SV2B: variants seen among roughly 807,000 people sequenced by gnomAD.
SV2B encodes synaptic vesicle glycoprotein 2B, also known as solute carrier family 22 member B2.
In SV2B, 41 loss-of-function variants were observed where a neutral mutation model predicts 73.9. The observed-to-expected ratio is 0.56, with a 90% CI of 0.43 to 0.72. SV2B has a LOEUF of 0.72. SV2B is among the 30% of genes least tolerant of loss of function. SV2B has a pLI of 0.00. For synonymous variants in SV2B, 314 were observed against 314.2 expected, an observed-to-expected ratio of 1.00 and a Z score of 0.01; for missense variants, 764 against 857.8, an observed-to-expected ratio of 0.89 and a Z score of 1.37.
intron 1 of SV2B, among the ~76,000 whole-genome samples, chr15:91,142,260 A>G (rs967414345): frequency 5.3e-5 from 8 of 152,124 alleles, no homozygotes; most frequent in Non-Finnish European, 8.8e-5. Context: ...TTCACTTCAA[A>G]TGAGGAACAA....
intron 1 of SV2B, among the ~76,000 whole-genome samples, chr15:91,135,789 T>A (rs1596461368): frequency 6.6e-6 from 1 of 152,206 alleles, no homozygotes; most frequent in South Asian, 2.1e-4. Context: ...TGCCTAGTGT[T>A]AGAGACAAAA....
chr15:91,188,443 A>G (rs1042791359), intron 1 of SV2B, among the ~76,000 whole-genome samples: 1 of 152,064 alleles, frequency 6.6e-6, no homozygotes, highest in African/African-American at 2.4e-5. Flanking sequence ...CTTCCCAAGT[A>G]GCTGGGACTA....
At chr15:91,176,931 A>T (rs1383813924) in intron 1 of SV2B, among the ~76,000 whole-genome samples, 3 of 152,094 alleles carry the variant, frequency 2.0e-5, no homozygotes, top group African/African-American at 7.2e-5. Context: ...TTTTGTTGCC[A>T]TTGCTTTTGG....
At chr15:91,179,081 T>A (rs199864266) in intron 1 of SV2B, among the ~76,000 whole-genome samples, 47,382 of 151,082 alleles carry the variant, frequency 0.31, 8,120 homozygotes, top group East Asian at 0.7. Flanking sequence ...CCAGAGATTC[T>A]GGTATGTTGT....
chr15:91,127,483 C>T (rs1032585310), intron 1 of SV2B, among the ~76,000 whole-genome samples: 6 of 152,072 alleles, frequency 3.9e-5, no homozygotes, highest in African/African-American at 1.2e-4. Flanking sequence ...ACTGTCCGGC[C>T]GCTCTTCTAT....
intron 1 of SV2B, among the ~76,000 whole-genome samples, chr15:91,136,000 C>T (rs549477194): frequency 6.6e-6 from 1 of 152,218 alleles, no homozygotes; most frequent in African/African-American, 2.4e-5. Flanking sequence ...CTGCCTCTTC[C>T]CCAACACACA....
intron 1 of SV2B, among the ~76,000 whole-genome samples, chr15:91,120,100 C>T (rs544787027): frequency 6.6e-6 from 1 of 152,334 alleles, no homozygotes; most frequent in African/African-American, 2.4e-5. Flanking sequence ...CAGAGCAAGG[C>T]TTTTTGTATT....
At chr15:91,126,309 G>A (rs1019383142) in intron 1 of SV2B, among the ~76,000 whole-genome samples, 3 of 152,198 alleles carry the variant, frequency 2.0e-5, no homozygotes, top group South Asian at 4.1e-4. Context: ...ATCCAAATAT[G>A]GGTTGACTTC....
At chr15:91,263,651 CACAG>C (rs1383890853) in intron 6 of SV2B, among the ~76,000 whole-genome samples, 1 of 151,744 alleles carries the variant, frequency 6.6e-6, no homozygotes, top group Non-Finnish European at 1.5e-5. Flanking sequence ...AAGACAAACA[CACAG>C]ACACAGGCAC....
intron 1 of SV2B, among the ~76,000 whole-genome samples, chr15:91,184,214 C>T (rs1277399965): frequency 6.6e-6 from 1 of 152,170 alleles, no homozygotes; most frequent in Non-Finnish European, 1.5e-5. Flanking sequence ...TAAAAGCAAC[C>T]TTTTGGCAAG....
chr15:91,171,076 AGTGGCAAAACCAGAATATGGATCTC>A (rs2044105075), intron 1 of SV2B, among the ~76,000 whole-genome samples: 1 of 152,176 alleles, frequency 6.6e-6, no homozygotes, highest in Non-Finnish European at 1.5e-5. Context: ...ACAGCTGGTT[AGTGGCAAAACCAGAATATGGATCTC>A]GATCAGTCTG....
At position 91,236,645 on chromosome 15, in the gene SV2B, A is replaced by G. The variant is rs1425372538; in HGVS notation, c.451+9931A>G. Reference sequence around the variant, plus strand: ...ATAAAGGACTTTATTCTGGTTATCTATTATTACATATCAAACAAGCAAGCA... The same window carrying G: ...ATAAAGGACTTTATTCTGGTTATCTGTTATTACATATCAAACAAGCAAGCA... On this transcript the variant is annotated intron_variant, in intron 2 of 12. Coordinates refer to ENST00000394232, the MANE Select transcript of SV2B (RefSeq NM_001323032.3). This position sits in a 1 kb window ranked among gnomAD's most constrained non-coding sequence, Gnocchi z 4.1. 6.6e-6 allele frequency among the ~76,000 whole-genome samples: 1 copy of G among 152,200 alleles called. No individual in the cohort carries two copies.
chr15:91,228,160 G>A (rs895161376), intron 2 of SV2B, among the ~76,000 whole-genome samples: 15 of 152,082 alleles, frequency 9.9e-5, no homozygotes, highest in Admixed American at 3.9e-4. Context: ...GGTTTTACAC[G>A]TTTGTGTTTA....
intron 1 of SV2B, among the ~76,000 whole-genome samples, chr15:91,187,494 C>G (rs975838136): frequency 1.1e-4 from 16 of 152,160 alleles, no homozygotes; most frequent in Non-Finnish European, 2.1e-4. Context: ...ATCAGTGGCT[C>G]TGGGTTAGTT....
intron 9 of SV2B, among the ~76,000 whole-genome samples, chr15:91,279,687 C>A (rs961909071): frequency 5.9e-5 from 9 of 152,206 alleles, no homozygotes; most frequent in Non-Finnish European, 1.2e-4. Flanking sequence ...TCTCAGACAC[C>A]CTGGGAAGAA....
chr15:91,271,239 G>A (rs1314608543), intron 9 of SV2B, among the ~76,000 whole-genome samples: 3 of 151,552 alleles, frequency 2.0e-5, no homozygotes, highest in Non-Finnish European at 2.9e-5. Context: ...CCGCCCCACG[G>A]GGTGACACCA....
At chr15:91,260,857 C>A (rs1382038178) in intron 6 of SV2B, among the ~76,000 whole-genome samples, 1 of 152,192 alleles carries the variant, frequency 6.6e-6, no homozygotes, top group Non-Finnish European at 1.5e-5. Flanking sequence ...CTGATAAACC[C>A]ATCAGATCTC....
intron 1 of SV2B, among the ~76,000 whole-genome samples, chr15:91,108,725 A>G (rs949436791): frequency 6.6e-6 from 1 of 152,172 alleles, no homozygotes; most frequent in African/African-American, 2.4e-5. Context: ...CCCCTAGATC[A>G]AGAATCATAT....
chr15:91,267,504 C>A lies in SV2B; in HGVS notation c.1120-51C>A. ...AGTAATGAGCTCTTCGTGGGAGAAA[C>A]AAAGTCACACATTGCTTTCTTTAAC... On this transcript the variant is annotated intron_variant, in intron 7 of 12. Coordinates refer to ENST00000394232, the MANE Select transcript of SV2B (RefSeq NM_001323032.3). The surrounding 1 kb of genome is among the most constrained non-coding windows in gnomAD (Gnocchi z 4.3). 6.6e-7 allele frequency: 1 copy of A among 1,505,154 alleles called. No homozygotes were observed. The highest frequency in any genetic ancestry group is 9.2e-7 in the Non-Finnish European group (1 of 1,086,194). The allele number at this position is 1,505,154 out of a possible 1,614,324, so 93.2% of individuals were successfully genotyped here.
Sources: gnomAD v4.1 joint callset for allele counts (sites outside exome capture counted in the v4.1 genomes callset) on GRCh38, gnomAD v4.1.1 for gene constraint, Gnocchi (gnomAD v3.1) non-coding constraint, MANE v1.5 for transcripts, NCBI Gene and HGNC (gene_info 2026-07-23, HGNC 2026-07-21) for gene names.